Variants in ACTN1 observed in about 807,000 individuals in gnomAD.
ACTN1 encodes actinin alpha 1.
A neutral mutation model predicts 119.6 loss-of-function variants in ACTN1; 30 were observed. The observed-to-expected ratio is 0.25, with a 90% confidence interval of 0.19 to 0.34. The LOEUF (loss-of-function observed/expected upper bound fraction) is 0.34. Among genes scored for constraint, ACTN1 ranks in the 10% least tolerant of loss-of-function variants. The pLI is 1.00. For synonymous variants in ACTN1, 429 were observed against 472.6 expected (o/e 0.91, Z 1.20); for missense variants, 764 against 1,223.4 (o/e 0.62, Z 5.60).
At position 68,912,240 on chromosome 14, in the gene ACTN1, T is replaced by C. The variant is rs781438858; in HGVS notation, c.343A>G (p.Ile115Val). Reference protein sequence around the residue: ...VKLVSIGAEEIVDGNVKMTLG... With the variant: ...VKLVSIGAEEVVDGNVKMTLG... ...GTCATCTTCACATTCCCATCCACGA[T>C]TTCTACAGAAACAGCAGCAGCACAC... Residue 115 changes from isoleucine to valine, a missense_variant and splice_region_variant, in exon 4 of 22, where the codon ATC becomes GTC. This residue lies in a region of ACTN1 where 54 missense variants were observed against 153.2 expected (regional missense o/e 0.35). Transcript: ENST00000394419. The C allele has an allele frequency of 3.1e-6, 5 of 1,609,924 alleles. No individual in the cohort carries two copies. The South Asian group carries it at 4.4e-5, about 14-fold the overall frequency.
intron 1 of ACTN1, among the ~76,000 whole-genome samples, chr14:68,972,233 G>A (rs2036912831): frequency 6.6e-6 from 1 of 152,128 alleles, no homozygotes; most frequent in South Asian, 2.1e-4. Context: ...TCCAAGGAAA[G>A]AGCCACATCC....
chr14:68,976,322 T>C (rs924716929), intron 1 of ACTN1, among the ~76,000 whole-genome samples: 1 of 152,152 alleles, frequency 6.6e-6, no homozygotes, highest in Non-Finnish European at 1.5e-5. Context: ...CTCTGTCCAC[T>C]TGTGGACTCT....
intron 2 of ACTN1, among the ~76,000 whole-genome samples, chr14:68,922,858 G>C (rs140354584): frequency 4.5e-4 from 69 of 152,290 alleles, no homozygotes; most frequent in Non-Finnish European, 7.6e-4. Context: ...TTCTGGTGTG[G>C]GTAGTCCAAG....
intron 1 of ACTN1, among the ~76,000 whole-genome samples, chr14:68,972,268 C>T (rs2036914035): frequency 1.3e-5 from 2 of 152,050 alleles, no homozygotes; most frequent in South Asian, 4.1e-4. Flanking sequence ...TACAAAAGCT[C>T]CCGCCCTTAT....
rs1048573231 is a variant in ACTN1 at position 68,885,044 on chromosome 14, T to G, written c.1386-161A>C. Among the ~76,000 whole-genome samples, 8 of 152,092 alleles carry G rather than the reference T, an allele frequency of 5.3e-5. No homozygotes were observed. Among genetic ancestry groups the G allele is most frequent in the African/African-American group, 1.9e-4 (8 of 41,422 alleles). ...GGCACTCCTTCCACCCCTCCCCTCT[T>G]TCAGGAGACTGGCAGAGAGGAGACC... On this transcript the variant is annotated intron_variant, in intron 12 of 21. Transcript: ENST00000394419. The surrounding 1 kb of genome is among the most constrained non-coding windows in gnomAD (Gnocchi z 5.6).
At chr14:68,977,806 C>CG in intron 1 of ACTN1, 1 of 368,946 alleles carries the variant, frequency 2.7e-6, no homozygotes, top group Admixed American at 3.2e-5. Context: ...CCTGTCCCCC[C>CG]CCCACCCAAA....
Position 68,880,946 on chromosome 14 carries a change from T to A in ACTN1, c.1997A>T (p.Asp666Val), listed in dbSNP as rs1594753364. The change falls in exon 17 of 22, where the codon GAC becomes GTC. Residue 666 changes from aspartate to valine, a missense_variant. Around this residue, in one of 4 missense-constraint regions of ACTN1, gnomAD observed 544 missense variants for 912.0 expected, o/e 0.60. Transcript: ENST00000394419. The surrounding 1 kb of genome is among the most constrained non-coding windows in gnomAD (Gnocchi z 4.6). ...ISIEMHGTLE[D>V]QLSHLRQYEK... Reference sequence around the variant, plus strand: ...ATACTGCCGCAGGTGGCTGAGCTGGTCCTCCAGGGTCCCATGCATCTCAAT... The same window carrying A: ...ATACTGCCGCAGGTGGCTGAGCTGGACCTCCAGGGTCCCATGCATCTCAAT... 1 of 1,613,978 alleles carries A rather than the reference T, an allele frequency of 6.2e-7. No homozygotes were observed. The highest frequency in any genetic ancestry group is 8.5e-7 in the Non-Finnish European group (1 of 1,180,018).
At position 68,925,485 on chromosome 14, in the gene ACTN1, A is replaced by T; in HGVS notation, c.220+73T>A. The stretch of plus-strand genomic sequence containing the variant: ...AGAGACCAAAACCAGCTGCGCTCAT[A>T]GGCAGAGCAGATGCCAAGGTGTCAG... On this transcript the variant is annotated intron_variant, in intron 2 of 21. Transcript: ENST00000394419. The surrounding 1 kb of genome is among the most constrained non-coding windows in gnomAD (Gnocchi z 4.3). 7.9e-7 allele frequency: 1 copy of T among 1,267,734 alleles called. No homozygotes were observed. Among genetic ancestry groups the T allele is most frequent in the Non-Finnish European group, 1.1e-6 (1 of 899,068 alleles). 78.5% of individuals were successfully genotyped at this position (1,267,734 alleles called of 1,614,324 possible).
chr14:68,964,839 A>G (rs1214992956), intron 1 of ACTN1, among the ~76,000 whole-genome samples: 1 of 152,174 alleles, frequency 6.6e-6, no homozygotes, highest in Non-Finnish European at 1.5e-5. Flanking sequence ...TCTCTCCTGC[A>G]GGCTCATCTC....
intron 1 of ACTN1, among the ~76,000 whole-genome samples, chr14:68,952,798 C>T (rs532221113): frequency 1.3e-5 from 2 of 152,328 alleles, no homozygotes; most frequent in African/African-American, 4.8e-5. Flanking sequence ...CACCCTCACA[C>T]ACTCTCAATC....
intron 8 of ACTN1, chr14:68,901,059 C>T (rs1287887622): frequency 2.0e-5 from 3 of 151,668 alleles, no homozygotes; most frequent in African/African-American, 4.9e-5. Context: ...GACGGACAGA[C>T]AGAAAAGGAG....
At chr14:68,940,677 TA>T (rs56676308) in intron 1 of ACTN1, among the ~76,000 whole-genome samples, 31,923 of 138,174 alleles carry the variant, frequency 0.23, 4,460 homozygotes, top group African/African-American at 0.41. Flanking sequence ...TGTCTCTACT[TA>T]AAAAAAAAAA....
intron 11 of ACTN1, chr14:68,888,102 C>A: frequency 3.0e-6 from 2 of 655,844 alleles, no homozygotes; most frequent in South Asian, 3.0e-5. Flanking sequence ...GCAGGGAGGG[C>A]GCGTGCCAGG....
intron 3 of ACTN1, among the ~76,000 whole-genome samples, chr14:68,916,326 T>C (rs2034292699): frequency 6.6e-6 from 1 of 152,198 alleles, no homozygotes; most frequent in Non-Finnish European, 1.5e-5. Context: ...ATTTGCCCTC[T>C]TGGAGTCCTC....
intron 1 of ACTN1, chr14:68,936,571 G>A: frequency 4.0e-6 from 2 of 498,986 alleles, no homozygotes; most frequent in Non-Finnish European, 3.8e-6. Flanking sequence ...ACTGTTACGG[G>A]AATTGAAGCT....
intron 1 of ACTN1, among the ~76,000 whole-genome samples, chr14:68,960,761 AAAAATT>A (rs2036508379): frequency 6.6e-6 from 1 of 151,942 alleles, no homozygotes; most frequent in African/African-American, 2.4e-5. Context: ...AAAAAAAAAA[AAAAATT>A]AAACAACAAA....
chr14:68,956,237 AG>A (rs1566671975), intron 1 of ACTN1, among the ~76,000 whole-genome samples: 1 of 152,112 alleles, frequency 6.6e-6, no homozygotes, highest in African/African-American at 2.4e-5. Context: ...AAGCAGAGGG[AG>A]GGGGATCGCT....
chr14:68,957,553 C>T (rs1470337326), intron 1 of ACTN1, among the ~76,000 whole-genome samples: 3 of 152,242 alleles, frequency 2.0e-5, no homozygotes, highest in Non-Finnish European at 2.9e-5. Context: ...TGAAGCCTCG[C>T]TCTCTATTTG....
At chr14:68,897,635 A>T (rs11158772) in intron 8 of ACTN1, among the ~76,000 whole-genome samples, 2 of 152,092 alleles carry the variant, frequency 1.3e-5, no homozygotes, top group Non-Finnish European at 2.9e-5. Context: ...CATCTATGTC[A>T]TCTGTAGCCA....
Sources: allele counts gnomAD v4.1 joint callset (sites outside exome capture counted in the v4.1 genomes callset), GRCh38; gene constraint gnomAD v4.1.1; regional missense constraint gnomAD v4.1.1; non-coding constraint Gnocchi (gnomAD v3.1); transcripts MANE v1.5; gene names NCBI Gene and HGNC (gene_info 2026-07-23, HGNC 2026-07-21).